The following LHX4 variants were observed in gnomAD, a reference collection of about 807,000 sequenced individuals.
The protein encoded by LHX4 is LIM/homeobox protein Lhx4.
A neutral mutation model predicts 39.2 loss-of-function variants in LHX4; 16 were observed. The observed-to-expected ratio is 0.41, with a 90% CI of 0.28 to 0.62. The LOEUF is 0.62. LHX4 is among the 20% of genes least tolerant of loss of function. LHX4 has a pLI of 0.33. For synonymous variants in LHX4, 206 were observed against 198.1 expected (o/e 1.04, Z -0.33); for missense variants, 439 against 511.9 (o/e 0.86, Z 1.37).
At chr1:180,269,031 T>TA (rs1648462317) in intron 3 of LHX4, among the ~76,000 whole-genome samples, 1 of 152,182 alleles carries the variant, frequency 6.6e-6, no homozygotes, top group Admixed American at 6.5e-5. Context: ...GCATTTTCAA[T>TA]ATAATGAGGT....
chr1:180,271,610 C>G, intron 4 of LHX4, 76 bp downstream of exon 4: 1 of 1,569,288 alleles, frequency 6.4e-7, no homozygotes, highest in Non-Finnish European at 8.8e-7. Context: ...TGAGTGACAT[C>G]AGCTCACGGG....
chr1:180,250,977 C>A (rs1250358615), intron 2 of LHX4, among the ~76,000 whole-genome samples: 1 of 152,156 alleles, frequency 6.6e-6, no homozygotes, highest in Non-Finnish European at 1.5e-5. Context: ...TGCCCCAAGC[C>A]CTGGCCCTCT....
Position 180,277,126 on chromosome 1 carries a change from C to T in LHX4, c.*2547C>T, listed in dbSNP as rs6680361. The T allele has an allele frequency of 0.79, 119,879 of 152,122 alleles. 47,959 individuals carry two copies. The highest frequency in any genetic ancestry group is 0.97 in the East Asian group (5,024 of 5,176). 9.4% of individuals were successfully genotyped at this position (152,122 alleles called of 1,614,324 possible). On this transcript the variant is annotated 3_prime_UTR_variant, in exon 6 of 6. Coordinates refer to ENST00000263726, the MANE Select transcript of LHX4 (RefSeq NM_033343.4). Reference sequence around the variant, plus strand: ...CCACCTCCCCAGAAAGCAGCAAACACTGCTGCCTGTTTAGAAGCACAGCCA... The same window carrying T: ...CCACCTCCCCAGAAAGCAGCAAACATTGCTGCCTGTTTAGAAGCACAGCCA...
In LHX4 at chr1:180,241,722, G is replaced by T. The variant is rs911944258; in HGVS notation, c.77-6563G>T. ...CATTTGGAAGACCTAAAGATTTGCA[G>T]ATCTAAACTCTGATCAGAACAGAAA... is the stretch of plus-strand genomic sequence containing the variant. On this transcript the variant is annotated intron_variant, in intron 1 of 5. Coordinates refer to ENST00000263726, the MANE Select transcript of LHX4 (RefSeq NM_033343.4). Among the ~76,000 whole-genome samples, 3 of 152,188 alleles carry T rather than the reference G, an allele frequency of 2.0e-5. No homozygotes were observed. The South Asian group carries it at 6.2e-4, about 32-fold the overall frequency.
intron 1 of LHX4, among the ~76,000 whole-genome samples, chr1:180,238,862 G>T (rs1348644330): frequency 6.6e-6 from 1 of 152,172 alleles, no homozygotes; most frequent in Non-Finnish European, 1.5e-5. Flanking sequence ...CACCAGATTT[G>T]TCATGGAAAA....
chr1:180,255,794 G>C (rs1251080767), intron 2 of LHX4, among the ~76,000 whole-genome samples: 1 of 152,254 alleles, frequency 6.6e-6, no homozygotes, highest in Non-Finnish European at 1.5e-5. Flanking sequence ...AGTGGGGCCT[G>C]GGGTGAAGGC....
intron 2 of LHX4, among the ~76,000 whole-genome samples, chr1:180,253,641 G>A (rs1647721088): frequency 6.6e-6 from 1 of 152,232 alleles, no homozygotes; most frequent in African/African-American, 2.4e-5. Context: ...TCATTCCCTT[G>A]TCTGTGGAGA....
intron 2 of LHX4, among the ~76,000 whole-genome samples, chr1:180,263,990 G>T (rs1403187011): frequency 6.6e-6 from 1 of 152,126 alleles, no homozygotes; most frequent in Non-Finnish European, 1.5e-5. Flanking sequence ...TAGAGACAGG[G>T]TCTCGCTCTG....
In LHX4 at chr1:180,271,922, A is replaced by G. The variant is rs771488709; in HGVS notation, c.694A>G (p.Lys232Glu). Reference sequence around the variant, plus strand: ...CTGGGGGCAGTTCTATAAGAGCGTCAAGAGGAGCCGGGGCAGCAGCAAGCA... The same window carrying G: ...CTGGGGGCAGTTCTATAAGAGCGTCGAGAGGAGCCGGGGCAGCAGCAAGCA... ...HRWGQFYKSV[K>E]RSRGSSKQEK... Residue 232 changes from lysine to glutamate, a missense_variant, in exon 5 of 6, where the codon AAG becomes GAG. Physicochemically the swap from Lys to Glu is moderately conservative, Grantham distance 56 (BLOSUM62 1). Transcript: ENST00000263726. The G allele has an allele frequency of 4.6e-5, 75 of 1,613,330 alleles. No individual in the cohort carries two copies. The highest frequency in any genetic ancestry group is 6.1e-5 in the Non-Finnish European group (72 of 1,179,944).
chr1:180,261,511 T>C (rs927986491), intron 2 of LHX4, among the ~76,000 whole-genome samples: 5 of 151,992 alleles, frequency 3.3e-5, no homozygotes, highest in Non-Finnish European at 7.4e-5. Flanking sequence ...AAAAATGAGC[T>C]GGGCATGGTG....
chr1:180,240,163 C>G (rs1664414657), intron 1 of LHX4, among the ~76,000 whole-genome samples: 1 of 152,216 alleles, frequency 6.6e-6, no homozygotes, highest in South Asian at 2.1e-4. Context: ...AAATATTAAT[C>G]TGGTCTCAGA....
chr1:180,255,392 ACACGCGTG>A (rs1647810639), intron 2 of LHX4, among the ~76,000 whole-genome samples: 1 of 152,202 alleles, frequency 6.6e-6, no homozygotes, highest in Admixed American at 6.5e-5. Flanking sequence ...ACACACGCAC[ACACGCGTG>A]CACACACATG....
chr1:180,270,472 C>T (rs1330964810), intron 3 of LHX4: 1 of 152,196 alleles, frequency 6.6e-6, no homozygotes. Flanking sequence ...GGAAACAAAC[C>T]TTTACATTCA....
At position 180,274,663 on chromosome 1, in the gene LHX4, G is replaced by A. The variant is rs577330480; in HGVS notation, c.*84G>A. 44 of 1,414,712 alleles carry A rather than the reference G, an allele frequency of 3.1e-5. No homozygotes were observed. In the African/African-American group the frequency reaches 3.7e-4, roughly 12 times the overall value. 87.6% of individuals were successfully genotyped at this position (1,414,712 alleles called of 1,614,324 possible). ...AAAAGAGACTTGCCTTTTAAGGATC[G>A]AAAGTACGCCAATGTGAATTTCCAT... is the stretch of plus-strand genomic sequence containing the variant. On this transcript the variant is annotated 3_prime_UTR_variant, in exon 6 of 6. Transcript: ENST00000263726.
At chr1:180,247,010 A>G (rs1177771513) in intron 1 of LHX4, among the ~76,000 whole-genome samples, 1 of 152,216 alleles carries the variant, frequency 6.6e-6, no homozygotes, top group Non-Finnish European at 1.5e-5. Context: ...TCAGGAGGAT[A>G]CTGTAGGAGG....
intron 2 of LHX4, among the ~76,000 whole-genome samples, chr1:180,254,218 C>T (rs889425779): frequency 3.3e-5 from 5 of 152,172 alleles, no homozygotes; most frequent in African/African-American, 4.8e-5. Context: ...CTGTCTAAAA[C>T]GTCATGCTTC....
chr1:180,271,009 C>A (rs918298198), intron 3 of LHX4: 4 of 330,666 alleles, frequency 1.2e-5, no homozygotes, highest in African/African-American at 8.6e-5. Flanking sequence ...TGGCTGTTCA[C>A]CTTCACAGCT....
chr1:180,240,161 A>G (rs1664414620), intron 1 of LHX4, among the ~76,000 whole-genome samples: 1 of 152,232 alleles, frequency 6.6e-6, no homozygotes, highest in African/African-American at 2.4e-5. Context: ...CAAAATATTA[A>G]TCTGGTCTCA....
At chr1:180,259,548 G>A (rs1273015036) in intron 2 of LHX4, among the ~76,000 whole-genome samples, 2 of 151,742 alleles carry the variant, frequency 1.3e-5, no homozygotes, top group African/African-American at 2.4e-5. Flanking sequence ...TCTTCCATGG[G>A]AAATGGGAGG....
Sources: allele counts gnomAD v4.1 joint callset (sites outside exome capture counted in the v4.1 genomes callset), GRCh38; gene constraint gnomAD v4.1.1; transcripts MANE v1.5; gene names NCBI Gene and HGNC (gene_info 2026-07-23, HGNC 2026-07-21).